The following RFTN2 variants were observed in gnomAD, a reference collection of about 807,000 sequenced individuals.
The protein encoded by RFTN2 is raftlin-2.
Under a neutral mutation model 52.7 loss-of-function variants are expected in RFTN2, and 34 were observed. The observed-to-expected ratio is 0.64, with a 90% CI of 0.49 to 0.86. The LOEUF (loss-of-function observed/expected upper bound fraction) is 0.86. Ranked by LOEUF, RFTN2 falls within the 40% of genes least tolerant of loss-of-function variation. RFTN2 has a pLI of 0.00. For missense variants in RFTN2, 536 were observed against 600.1 expected (o/e 0.89, Z 1.12); for synonymous variants, 203 against 217.7 (o/e 0.93, Z 0.59).
intron 7 of RFTN2, among the ~76,000 whole-genome samples, chr2:197,608,890 T>C: frequency 6.6e-6 from 1 of 152,132 alleles, no homozygotes; most frequent in East Asian, 1.9e-4. Context: ...ATGTTTGGTT[T>C]TCTCTTCTTG....
At position 197,626,612 on chromosome 2, in the gene RFTN2, ATCT is replaced by A. The variant is rs1221801196; in HGVS notation, c.928+4396_928+4398del. On this transcript the variant is annotated intron_variant, in intron 5 of 8. Transcript: ENST00000295049. ...AAAGTTAAAATAAAAAAAAGGAATA[ATCT>A]TCTTTTTTTTTTTTTTTTTTTTTTG... Among the ~76,000 whole-genome samples the A allele has an allele frequency of 7.3e-5, 8 of 109,376 alleles. No individual in the cohort carries two copies. In the East Asian group the frequency reaches 1.8e-3, roughly 25 times the overall value. The allele number at this position is 109,376 out of a possible 152,430, so 71.8% of individuals were successfully genotyped here.
chr2:197,603,867 C>T (rs932776004), intron 7 of RFTN2, among the ~76,000 whole-genome samples: 1 of 152,194 alleles, frequency 6.6e-6, no homozygotes, highest in Admixed American at 6.5e-5. Flanking sequence ...GTGGAGGTTG[C>T]AGTGAGCCAA....
chr2:197,634,826 G>A (rs976286935), intron 3 of RFTN2, among the ~76,000 whole-genome samples: 6 of 151,298 alleles, frequency 4.0e-5, no homozygotes, highest in Admixed American at 6.6e-5. Flanking sequence ...ATGCTGGTGC[G>A]CTGCACCCCC....
At chr2:197,625,450 A>G (rs1574718484) in intron 5 of RFTN2, among the ~76,000 whole-genome samples, 2 of 152,132 alleles carry the variant, frequency 1.3e-5, no homozygotes, top group East Asian at 3.9e-4. Flanking sequence ...CATTTTTGGT[A>G]TTCAACTGCC....
At chr2:197,632,677 G>A (rs2088485782) in intron 4 of RFTN2, among the ~76,000 whole-genome samples, 2 of 152,200 alleles carry the variant, frequency 1.3e-5, no homozygotes, top group African/African-American at 4.8e-5. Flanking sequence ...TGAGAAAAGA[G>A]GAGGGTGGTG....
intron 5 of RFTN2, among the ~76,000 whole-genome samples, chr2:197,628,080 T>C (rs966212956): frequency 2.0e-5 from 3 of 152,072 alleles, no homozygotes; most frequent in African/African-American, 7.2e-5. Flanking sequence ...CCATGTGCTT[T>C]AGATGTCAGG....
chr2:197,571,791 G>A lies in RFTN2; in HGVS notation c.*217C>T, dbSNP rs141005453. 709 of 566,772 alleles carry A rather than the reference G, an allele frequency of 1.3e-3. 2 individuals are homozygous for A. Among genetic ancestry groups the A allele is most frequent in the Middle Eastern group, 2.3e-3 (5 of 2,192 alleles). 35.1% of individuals were successfully genotyped at this position (566,772 alleles called of 1,614,324 possible). A position where few individuals can be genotyped will look rare whatever the true frequency, so the allele number is the denominator to read the frequency against. On this transcript the variant is annotated 3_prime_UTR_variant, in exon 9 of 9. Coordinates refer to ENST00000295049, the MANE Select transcript of RFTN2 (RefSeq NM_144629.3). Reference sequence around the variant, plus strand: ...AACATCTGTTTAACCAGATGTTTTAGTTGAGAGAAGTGTAAACATGATTCT... The same window carrying A: ...AACATCTGTTTAACCAGATGTTTTAATTGAGAGAAGTGTAAACATGATTCT...
At chr2:197,645,335 G>T (rs1024299927) in intron 2 of RFTN2, among the ~76,000 whole-genome samples, 3 of 152,156 alleles carry the variant, frequency 2.0e-5, no homozygotes, top group Admixed American at 2.0e-4. Context: ...TATAGCCTAG[G>T]TGTATAGTAG....
chr2:197,660,474 A>G (rs963796202), intron 1 of RFTN2, among the ~76,000 whole-genome samples: 13 of 152,174 alleles, frequency 8.5e-5, no homozygotes, highest in Non-Finnish European at 1.2e-4. Flanking sequence ...AGTATTTTAC[A>G]TATTTATGAA....
chr2:197,579,366 C>A (rs1439969012), intron 8 of RFTN2, among the ~76,000 whole-genome samples: 1 of 152,176 alleles, frequency 6.6e-6, no homozygotes, highest in Non-Finnish European at 1.5e-5. Flanking sequence ...ATCCTCCATT[C>A]CTCTTTCTTC....
Position 197,645,704 on chromosome 2 carries a change from G to A in RFTN2, c.323+779C>T, listed in dbSNP as rs534875277. On this transcript the variant is annotated intron_variant, in intron 2 of 8. Transcript: ENST00000295049. ...AGGTCTATCTAATTTGTTAGAACTT[G>A]TCATAGTAGGTCTTTCTGTCGTTAA... Among the ~76,000 whole-genome samples, 15 of 152,298 alleles carry A rather than the reference G, an allele frequency of 9.8e-5. No homozygotes were observed. In the South Asian group the frequency reaches 2.1e-3, roughly 21 times the overall value.
At chr2:197,581,785 A>G (rs1327674789) in intron 8 of RFTN2, among the ~76,000 whole-genome samples, 1 of 152,126 alleles carries the variant, frequency 6.6e-6, no homozygotes, top group Non-Finnish European at 1.5e-5. Flanking sequence ...CTTCTACAAA[A>G]CAACAACTCC....
intron 6 of RFTN2, among the ~76,000 whole-genome samples, chr2:197,616,222 G>A (rs1393848700): frequency 1.3e-5 from 2 of 148,550 alleles, no homozygotes; most frequent in East Asian, 3.9e-4. Context: ...TGTTAGGGCA[G>A]TGGTTCTCGA....
rs956987282 is a variant in RFTN2 at position 197,572,325 on chromosome 2, T to TAA, written c.1234-46_1234-45insTT. 6.9e-6 allele frequency: 11 copies of TAA among 1,591,114 alleles called. No homozygotes were observed. In the Admixed American group the frequency reaches 1.7e-4, roughly 24 times the overall value. On this transcript the variant is annotated intron_variant, in intron 8 of 8. Coordinates refer to ENST00000295049, the MANE Select transcript of RFTN2 (RefSeq NM_144629.3). ...TGACCAGGAGAGTTAAAAAGATGGG[T>TAA]GTTTCCTGTCCCTCTGGTCTAGCAC...
intron 5 of RFTN2, among the ~76,000 whole-genome samples, chr2:197,629,731 A>T (rs141083411): frequency 0.01 from 1,536 of 147,062 alleles, 30 homozygotes; most frequent in African/African-American, 0.036. Context: ...ATTTTATTTT[A>T]TTTTTTTTTG....
chr2:197,654,350 G>GC (rs1410657998), intron 1 of RFTN2, among the ~76,000 whole-genome samples: 1 of 152,022 alleles, frequency 6.6e-6, no homozygotes, highest in Non-Finnish European at 1.5e-5. Context: ...AGCCATGATA[G>GC]CACCACTGCA....
In RFTN2 at chr2:197,572,026, A is replaced by C; in HGVS notation, c.1488T>G (p.Thr496=). The C allele has an allele frequency of 1.9e-6, 3 of 1,614,128 alleles. No homozygotes were observed. Among genetic ancestry groups the C allele is most frequent in the Non-Finnish European group, 2.5e-6 (3 of 1,179,932 alleles). The part of the protein sequence containing the change: ...DGQFDQEDGV[T]QVTCM ...TCATGGCTCACATACAAGTGACCTG[A>C]GTCACTCCATCTTCCTGATCAAACT... Residue 496 remains threonine (T), a synonymous_variant, in exon 9 of 9, where the codon ACT becomes ACG. Transcript: ENST00000295049.
chr2:197,670,752 C>G (rs188306754), intron 1 of RFTN2, among the ~76,000 whole-genome samples: 5 of 152,328 alleles, frequency 3.3e-5, no homozygotes, highest in African/African-American at 9.6e-5. Context: ...CTACTAAGAT[C>G]TTCCACTGCC....
chr2:197,634,327 A>G (rs945142024), intron 3 of RFTN2, among the ~76,000 whole-genome samples: 2 of 152,206 alleles, frequency 1.3e-5, no homozygotes, highest in Non-Finnish European at 2.9e-5. Flanking sequence ...TGGTGTCTCC[A>G]GTTGGAGCAA....
Sources: gnomAD v4.1 joint callset for allele counts (sites outside exome capture counted in the v4.1 genomes callset) on GRCh38, gnomAD v4.1.1 for gene constraint, MANE v1.5 for transcripts, NCBI Gene and HGNC (gene_info 2026-07-23, HGNC 2026-07-21) for gene names.